CTBP1: variants seen among roughly 807,000 people sequenced by gnomAD.
CTBP1 encodes the protein C-terminal-binding protein 1.
In CTBP1, 11 loss-of-function variants were observed where a neutral mutation model predicts 42.1. That is an observed-to-expected ratio of 0.26 (90% CI 0.16 to 0.43). The LOEUF (loss-of-function observed/expected upper bound fraction) is 0.43, where lower values mean the gene tolerates loss of function less well. Among genes scored for constraint, CTBP1 ranks in the 20% least tolerant of loss-of-function variants. The probability of loss-of-function intolerance (pLI) is 1.00; values close to 1 mark genes in which losing one functional copy is unlikely to be tolerated. For missense variants in CTBP1, 399 were observed against 624.3 expected, an observed-to-expected ratio of 0.64 and a Z score of 3.85; for synonymous variants, 324 against 277.1, an observed-to-expected ratio of 1.17 and a Z score of -1.68.
At chr4:1,244,963 C>T in intron 1 of CTBP1, 1 of 985,472 alleles carries the variant, frequency 1.0e-6, no homozygotes, top group Non-Finnish European at 1.2e-6. Flanking sequence ...AACTGAGGCC[C>T]TGCCCTGCAA....
At position 1,244,851 on chromosome 4, in the gene CTBP1, C is replaced by G. The variant is rs1732554052; in HGVS notation, c.-188-3332G>C. 17 of 985,356 alleles carry G rather than the reference C, an allele frequency of 1.7e-5. No individual in the cohort carries two copies. The South Asian group carries it at 7.5e-4, about 44-fold the overall frequency. 61.0% of individuals were successfully genotyped at this position (985,356 alleles called of 1,614,324 possible). On this transcript the variant is annotated intron_variant, in intron 1 of 9. Transcript: ENST00000382952. ...GGCCTGGAGGCCCAAAGACTAGGGC[C>G]TGGCGGTGCTGCCCAGCCAGGGGCT...
At chr4:1,249,787 C>G, upstream of CTBP1, 1 of 253,274 alleles carries the variant, frequency 3.9e-6, no homozygotes, top group Non-Finnish European at 8.4e-6. Flanking sequence ...AGAACCCCTT[C>G]CCCGACCCCA....
At chr4:1,222,684 G>A (rs922293971) in intron 5 of CTBP1, among the ~76,000 whole-genome samples, 3 of 152,124 alleles carry the variant, frequency 2.0e-5, no homozygotes, top group Non-Finnish European at 2.9e-5. Flanking sequence ...AGGGCATCCC[G>A]ACCTGGGTGT....
chr4:1,223,080 C>T (rs3755949), intron 5 of CTBP1, among the ~76,000 whole-genome samples: 2 of 109,092 alleles, frequency 1.8e-5, no homozygotes, highest in Non-Finnish European at 4.1e-5. Flanking sequence ...GAGGCACCGC[C>T]CCCTGGACAA....
chr4:1,213,924 C>T (rs985214798), intron 7 of CTBP1: 1 of 431,756 alleles, frequency 2.3e-6, no homozygotes, highest in Admixed American at 4.2e-5. Context: ...GAGCTGCAGG[C>T]TGATACTGCC....
chr4:1,230,347 C>A (rs1730836320), intron 3 of CTBP1, among the ~76,000 whole-genome samples: 1 of 152,216 alleles, frequency 6.6e-6, no homozygotes, highest in African/African-American at 2.4e-5. Flanking sequence ...TGGGCGCCCA[C>A]ACACCAAGGA....
At position 1,248,902 on chromosome 4, in the gene CTBP1, G is replaced by T. The variant is rs1314903990; in HGVS notation, c.-189+14C>A. On this transcript the variant is annotated intron_variant, in intron 1 of 9. Coordinates refer to ENST00000382952, the MANE Select transcript of CTBP1 (RefSeq NM_001012614.2). ...CCCGCCCGCGGCCGGAAACGCGCGCGCGCGCGGCCTTACCAAGCGGCAGGC... is the reference window on the plus strand; with the variant it reads ...CCCGCCCGCGGCCGGAAACGCGCGCTCGCGCGGCCTTACCAAGCGGCAGGC... 3.1e-6 allele frequency: 3 copies of T among 964,226 alleles called. No individual in the cohort carries two copies. The highest frequency in any genetic ancestry group is 1.3e-4 in the Admixed American group (2 of 15,640). 59.7% of individuals were successfully genotyped at this position (964,226 alleles called of 1,614,324 possible).
intron 5 of CTBP1, among the ~76,000 whole-genome samples, chr4:1,224,677 G>A (rs1049959300): frequency 4.0e-5 from 6 of 151,326 alleles, no homozygotes; most frequent in African/African-American, 1.2e-4. Context: ...TGTGACGTCC[G>A]TGCAGGCCAG....
intron 1 of CTBP1, chr4:1,242,575 A>G (rs550203640): frequency 2.0e-6 from 2 of 985,372 alleles, no homozygotes; most frequent in Admixed American, 1.2e-4. Context: ...GCTTCCAGAG[A>G]CACCATCACA....
chr4:1,212,344 G>C lies in CTBP1; in HGVS notation c.1186C>G (p.Leu396Val). 6.6e-7 allele frequency: 1 copy of C among 1,518,652 alleles called. No individual in the cohort carries two copies. The highest frequency in any genetic ancestry group is 8.8e-7 in the Non-Finnish European group (1 of 1,138,042). The allele number at this position is 1,518,652 out of a possible 1,614,324, so 94.1% of individuals were successfully genotyped here. ...VEGIVPSAMS[L>V]SHGLPPVAHP... Reference sequence around the variant, plus strand: ...GCCACAGGGGGCAGGCCGTGGGACAGGGACATGGCGCTGGGGACGATACCT... The same window carrying C: ...GCCACAGGGGGCAGGCCGTGGGACACGGACATGGCGCTGGGGACGATACCT... The change falls in exon 10 of 10, where the codon CTG (leucine) becomes GTG (valine). Residue 396 changes from leucine (L) to valine (V), a missense_variant. Coordinates refer to ENST00000382952, the MANE Select transcript of CTBP1 (RefSeq NM_001012614.2).
intron 5 of CTBP1, chr4:1,216,527 C>T (rs1009920259): frequency 2.0e-6 from 1 of 503,016 alleles, no homozygotes; most frequent in Non-Finnish European, 3.6e-6. Context: ...GTCAAACGGA[C>T]TGGTCAGTGG....
intron 1 of CTBP1, chr4:1,241,806 C>T (rs1732207908): frequency 1.4e-5 from 17 of 1,179,772 alleles, no homozygotes; most frequent in Non-Finnish European, 1.7e-5. Context: ...CGGCCACCCC[C>T]ACAGGCTCTA....
rs1408594110 is a variant in CTBP1, at chr4:1,241,539, G to A, written c.-188-20C>T. The A allele has an allele frequency of 3.2e-6, 5 of 1,579,000 alleles. No individual in the cohort carries two copies. Among genetic ancestry groups the A allele is most frequent in the South Asian group, 2.3e-5 (2 of 88,564 alleles). On this transcript the variant is annotated intron_variant, in intron 1 of 9. Coordinates refer to ENST00000382952, the MANE Select transcript of CTBP1 (RefSeq NM_001012614.2). The stretch of plus-strand genomic sequence containing the variant: ...GTCTTACTAAAAATCAAACACAAGA[G>A]ACACATTAAAATGCCATCGAAGGTC...
intron 1 of CTBP1, chr4:1,244,548 C>T: frequency 1.0e-6 from 1 of 985,232 alleles, no homozygotes; most frequent in Non-Finnish European, 1.2e-6. Flanking sequence ...TCCCCTCCCT[C>T]ACGACCTCCA....
intron 4 of CTBP1, among the ~76,000 whole-genome samples, chr4:1,226,310 T>G (rs1730337772): frequency 1.3e-5 from 2 of 151,682 alleles, no homozygotes; most frequent in African/African-American, 4.8e-5. Flanking sequence ...ATCCGGATGA[T>G]TGCATTCCTG....
intron 5 of CTBP1, 69 bp downstream of exon 5, chr4:1,225,291 G>T: frequency 2.0e-6 from 3 of 1,483,284 alleles, no homozygotes; most frequent in Non-Finnish European, 2.7e-6. Context: ...CTCTCCTCCT[G>T]GGCACAGCTG....
At chr4:1,248,828 C>G in intron 1 of CTBP1, 88 bp downstream of exon 1, 1 of 912,972 alleles carries the variant, frequency 1.1e-6, no homozygotes, top group Non-Finnish European at 1.3e-6. Context: ...GGCGCGCGCT[C>G]GGTCCGCCCC....
intron 1 of CTBP1, among the ~76,000 whole-genome samples, chr4:1,247,487 T>G (rs1732838218): frequency 6.6e-6 from 1 of 152,064 alleles, no homozygotes. Flanking sequence ...GGCCGGGTGC[T>G]GAGGCCCAGG....
At chr4:1,223,034 C>T (rs541338545) in intron 5 of CTBP1, among the ~76,000 whole-genome samples, 3 of 151,982 alleles carry the variant, frequency 2.0e-5, no homozygotes, top group Admixed American at 6.5e-5. Flanking sequence ...ACACATGAGG[C>T]GCCTCCTGTC....
Sources: gnomAD v4.1 joint callset for allele counts (sites outside exome capture counted in the v4.1 genomes callset) on GRCh38, gnomAD v4.1.1 for gene constraint, MANE v1.5 for transcripts, NCBI Gene and HGNC (gene_info 2026-07-23, HGNC 2026-07-21) for gene names.